PLA2G2F: variants seen among roughly 807,000 people sequenced by gnomAD.
PLA2G2F encodes phospholipase A2 group IIF, also known as group IIF secretory phospholipase A2.
PLA2G2F carries 17 observed loss-of-function variants against 15.9 expected under a neutral mutation model. The ratio of observed to expected loss-of-function variants is 1.07; its 90% CI spans 0.73 to 1.60. The LOEUF (loss-of-function observed/expected upper bound fraction) is 1.60, where lower values mean the gene tolerates loss of function less well. Among genes scored for constraint, PLA2G2F ranks in the 40% most tolerant of loss-of-function variants. The pLI is 0.00. For synonymous variants in PLA2G2F, 119 were observed against 106.5 expected (o/e 1.12, Z -0.72); for missense variants, 299 against 278.2 (o/e 1.07, Z -0.53).
intron 1 of PLA2G2F, 147 bp from the exon 2 acceptor site, chr1:20,140,019 A>T (rs114549908): frequency 4.9e-6 from 4 of 811,950 alleles, no homozygotes; most frequent in Non-Finnish European, 7.8e-6. Context: ...CTGGGCAGGT[A>T]CTGATGACAG....
chr1:20,140,058 G>T, intron 1 of PLA2G2F, 108 bp from the exon 2 acceptor site: 1 of 1,171,358 alleles, frequency 8.5e-7, no homozygotes. Flanking sequence ...GGACATCAAG[G>T]GACAGCATTG....
intron 4 of PLA2G2F, 46 bp from the exon 5 acceptor site, chr1:20,148,144 T>G: frequency 6.7e-7 from 1 of 1,487,674 alleles, no homozygotes; most frequent in South Asian, 1.1e-5. Context: ...CTGGGGGAGC[T>G]GCTGCCCCTT....
At chr1:20,140,991 T>C (rs2017455289) in intron 2 of PLA2G2F, 2 of 152,210 alleles carry the variant, frequency 1.3e-5, no homozygotes, top group South Asian at 4.1e-4. Flanking sequence ...CTGTTAAACC[T>C]CGCCAGAACA....
intron 3 of PLA2G2F, 69 bp downstream of exon 3, chr1:20,143,659 C>T (rs1249713717): frequency 3.2e-6 from 5 of 1,548,364 alleles, no homozygotes; most frequent in Admixed American, 1.8e-5. Flanking sequence ...ACTGACCTTG[C>T]CCTCCATCCC....
Position 20,144,687 on chromosome 1 carries a change from G to T in PLA2G2F, c.422G>T (p.Cys141Phe), listed in dbSNP as rs1328136882. The T allele has an allele frequency of 1.9e-6, 3 of 1,597,378 alleles. No individual in the cohort carries two copies. The highest frequency in any genetic ancestry group is 2.7e-5 in the African/African-American group (2 of 74,734). Residue 141 changes from cysteine (C) to phenylalanine (F), a missense_variant and splice_region_variant, in exon 4 of 5, where the codon TGC becomes TTC. Physicochemically the swap from Cys to Phe is radical, Grantham distance 205. Transcript: ENST00000375102. ...HTIENNTEIV[C>F]SDLNKTECDK... is the part of the protein sequence containing the mutation. Reference sequence around the variant, plus strand: ...ATCGAGAACAACACTGAGATAGTCTGCAGTGAGTCCCTCCCCTGTCACCTG... The same window carrying T: ...ATCGAGAACAACACTGAGATAGTCTTCAGTGAGTCCCTCCCCTGTCACCTG...
intron 2 of PLA2G2F, chr1:20,143,043 G>A (rs1158365544): frequency 1.9e-5 from 3 of 158,350 alleles, no homozygotes; most frequent in Admixed American, 6.4e-5. Context: ...ACAACGGGAT[G>A]TAGAGCAAGT....
chr1:20,140,292 G>C (rs775461203), intron 2 of PLA2G2F, 74 bp downstream of exon 2: 147 of 1,536,014 alleles, frequency 9.6e-5, no homozygotes, highest in Non-Finnish European at 1.2e-4. Flanking sequence ...GGGCGCCTGA[G>C]TTATGGTTCC....
At position 20,139,402 on chromosome 1, in the gene PLA2G2F, G is replaced by A. The variant is rs1295912793; in HGVS notation, c.-26G>A. On this transcript the variant is annotated 5_prime_UTR_variant, in exon 1 of 5. It removes an upstream start codon present in the reference 5' UTR. Coordinates refer to ENST00000375102, the MANE Select transcript of PLA2G2F (RefSeq NM_022819.4). Reference sequence around the variant, plus strand: ...GCATCTCAGACCTTCTGAGACCTATGTTGCTGGCCCCCCAGAACCCGCAAC... The same window carrying A: ...GCATCTCAGACCTTCTGAGACCTATATTGCTGGCCCCCCAGAACCCGCAAC... The A allele has an allele frequency of 2.0e-6, 3 of 1,528,826 alleles. No homozygotes were observed. The highest frequency in any genetic ancestry group is 1.2e-5 in the South Asian group (1 of 83,520). The allele number at this position is 1,528,826 out of a possible 1,614,324, so 94.7% of individuals were successfully genotyped here. A position where few individuals can be genotyped will look rare whatever the true frequency, so the allele number is the denominator to read the frequency against.
chr1:20,139,421 C>G lies in PLA2G2F; in HGVS notation c.-7C>G, dbSNP rs764069098. The stretch of plus-strand genomic sequence containing the variant: ...ACCTATGTTGCTGGCCCCCCAGAAC[C>G]CGCAACATGGCAGATGGGGCAAAGG... On this transcript the variant is annotated 5_prime_UTR_variant, in exon 1 of 5. Transcript: ENST00000375102. 1.7e-5 allele frequency: 26 copies of G among 1,552,818 alleles called. No homozygotes were observed. The South Asian group carries it at 2.3e-4, about 13-fold the overall frequency.
intron 4 of PLA2G2F, among the ~76,000 whole-genome samples, chr1:20,145,309 GTC>G (rs1222664973): frequency 1.4e-5 from 2 of 147,078 alleles, no homozygotes; most frequent in Non-Finnish European, 3.0e-5. Flanking sequence ...TTGAGACGCA[GTC>G]TCTCTCTGTC....
chr1:20,144,220 C>A, intron 3 of PLA2G2F: 1 of 276,934 alleles, frequency 3.6e-6, no homozygotes, highest in South Asian at 4.8e-5. Context: ...TGCCTACAGT[C>A]GACGCTCCTC....
intron 4 of PLA2G2F, among the ~76,000 whole-genome samples, chr1:20,145,054 T>G (rs2017559930): frequency 6.6e-6 from 1 of 151,966 alleles, no homozygotes; most frequent in South Asian, 2.1e-4. Flanking sequence ...CATTCCAGCC[T>G]GGGAGACAGA....
At chr1:20,143,373 T>C (rs556415922) in intron 2 of PLA2G2F, 73 bp from the exon 3 acceptor site, 6 of 1,568,696 alleles carry the variant, frequency 3.8e-6, no homozygotes, top group Non-Finnish European at 5.2e-6. Context: ...CAGTCCAGAC[T>C]CTCAGGATGA....
chr1:20,144,475 G>T lies in PLA2G2F; in HGVS notation c.315-105G>T. ...ACTGTCCCTCTCTGGGCTTCAGTTC[G>T]AACGTTTGACCTGCGAGAGACTGGA... is the stretch of plus-strand genomic sequence containing the variant. On this transcript the variant is annotated intron_variant, in intron 3 of 4. Transcript: ENST00000375102. The T allele has an allele frequency of 6.0e-6, 5 of 826,482 alleles. No homozygotes were observed. The South Asian group carries it at 7.6e-5, about 13-fold the overall frequency. 51.2% of individuals were successfully genotyped at this position (826,482 alleles called of 1,614,324 possible). A position where few individuals can be genotyped will look rare whatever the true frequency, so the allele number is the denominator to read the frequency against.
Position 20,150,305 on chromosome 1 carries a change from C to G in PLA2G2F, c.*1904C>G, listed in dbSNP as rs372217957. 2.6e-5 allele frequency: 4 copies of G among 152,558 alleles called. No individual in the cohort carries two copies. Among genetic ancestry groups the G allele is most frequent in the African/African-American group, 9.6e-5 (4 of 41,468 alleles). The allele number at this position is 152,558 out of a possible 1,614,324, so 9.5% of individuals were successfully genotyped here. On this transcript the variant is annotated 3_prime_UTR_variant, in exon 5 of 5. Coordinates refer to ENST00000375102, the MANE Select transcript of PLA2G2F (RefSeq NM_022819.4). ...CTGCCCCCACTCACCCCAGACGCTT[C>G]GGATGCTGCAGCTCCTGGATAATCT...
At position 20,144,702 on chromosome 1, in the gene PLA2G2F, CCT is replaced by C. The variant is rs762874751; in HGVS notation, c.424+14_424+15del. The C allele has an allele frequency of 1.3e-6, 2 of 1,572,590 alleles. No homozygotes were observed. Among genetic ancestry groups the C allele is most frequent in the South Asian group, 2.3e-5 (2 of 86,974 alleles). ...GAGATAGTCTGCAGTGAGTCCCTCC[CCT>C]GTCACCTGGGCCCCCAGAGAAGGGA... On this transcript the variant is annotated intron_variant, in intron 4 of 4. Transcript: ENST00000375102.
chr1:20,144,763 G>A (rs2017552194), intron 4 of PLA2G2F, 74 bp downstream of exon 4: 6 of 1,286,534 alleles, frequency 4.7e-6, no homozygotes, highest in Non-Finnish European at 6.6e-6. Flanking sequence ...CTGGGATGGT[G>A]GACAGGCTTG....
chr1:20,140,210 C>T lies in PLA2G2F; in HGVS notation c.161C>T (p.Ala54Val), dbSNP rs1569891630. 6 of 1,613,884 alleles carry T rather than the reference C, an allele frequency of 3.7e-6. No individual in the cohort carries two copies. Among genetic ancestry groups the T allele is most frequent in the East Asian group, 2.2e-5 (1 of 44,858 alleles). The stretch of plus-strand genomic sequence containing the variant: ...AAGTTCTTCACCGTGGCCATCCTTG[C>T]TGGCAGCGGTGAGTAAAGACTCCAG... ...MKKFFTVAILAGSVLSTAHGS... is the reference protein window; with the variant it reads ...MKKFFTVAILVGSVLSTAHGS... Residue 54 changes from alanine (A) to valine (V), a missense_variant, in exon 2 of 5, where the codon GCT becomes GTT. By Grantham distance (64) the Ala-to-Val change is moderately conservative. Coordinates refer to ENST00000375102, the MANE Select transcript of PLA2G2F (RefSeq NM_022819.4).
At chr1:20,140,337 T>C (rs12065685) in intron 2 of PLA2G2F, 119 bp downstream of exon 2, 143,896 of 1,091,950 alleles carry the variant, frequency 0.13, 10,062 homozygotes, top group South Asian at 0.18. Context: ...GTCTCTGGGC[T>C]TCTGCTTCTT....
Sources: gnomAD v4.1 joint callset for allele counts (sites outside exome capture counted in the v4.1 genomes callset) on GRCh38, gnomAD v4.1.1 for gene constraint, MANE v1.5 for transcripts, NCBI Gene and HGNC (gene_info 2026-07-23, HGNC 2026-07-21) for gene names.